Variants in XKR9 observed in about 807,000 individuals in gnomAD.
XKR9 encodes the protein XK related 9, also known as XK-related protein 9.
In XKR9, 32 loss-of-function variants were observed where a neutral mutation model predicts 32.0. The ratio of observed to expected loss-of-function variants is 1.00; its 90% CI spans 0.76 to 1.34. The LOEUF is 1.34. Ranked by LOEUF, XKR9 falls within the 40% of genes most tolerant of loss-of-function variation. The pLI is 0.00. For synonymous variants in XKR9, 168 were observed against 143.4 expected (o/e 1.17, Z -1.22); for missense variants, 546 against 429.7 (o/e 1.27, Z -2.39).
intron 2 of XKR9, among the ~76,000 whole-genome samples, chr8:70,678,464 G>A (rs1586804452): frequency 6.6e-6 from 1 of 152,218 alleles, no homozygotes; most frequent in South Asian, 2.1e-4. Flanking sequence ...ACAGGGGCAG[G>A]AATATTTGTC....
At chr8:70,686,769 C>G (rs1819294833) in intron 3 of XKR9, among the ~76,000 whole-genome samples, 1 of 151,936 alleles carries the variant, frequency 6.6e-6, no homozygotes, top group South Asian at 2.1e-4. Flanking sequence ...TACCTTTACT[C>G]CTTTAGGTGT....
At chr8:70,814,392 T>C in the XKR9 span, among the ~76,000 whole-genome samples, 1 of 151,888 alleles carries the variant, frequency 6.6e-6, no homozygotes, top group African/African-American at 2.4e-5. Context: ...TGTATACATA[T>C]GTAACAAACC....
chr8:70,729,738 T>A (rs1806600071), intron 4 of XKR9, among the ~76,000 whole-genome samples: 1 of 152,138 alleles, frequency 6.6e-6, no homozygotes, highest in African/African-American at 2.4e-5. Flanking sequence ...ATATACTAAG[T>A]CATATCAGAA....
chr8:70,764,687 AC>A (rs1807351602), intron 2 of XKR9, among the ~76,000 whole-genome samples: 1 of 151,914 alleles, frequency 6.6e-6, no homozygotes, highest in African/African-American at 2.4e-5. Flanking sequence ...GGTTTGCTGC[AC>A]CCATCAAGCC....
chr8:70,738,388 C>G (rs891434682), downstream of XKR9, among the ~76,000 whole-genome samples: 1 of 148,514 alleles, frequency 6.7e-6, no homozygotes, highest in Non-Finnish European at 1.5e-5. Flanking sequence ...TGCTAGCGGT[C>G]TATCAATTTT....
chr8:70,771,455 AT>A (rs1268548750), intron 2 of XKR9, among the ~76,000 whole-genome samples: 1 of 152,024 alleles, frequency 6.6e-6, no homozygotes, highest in South Asian at 2.1e-4. Flanking sequence ...TGATTACTAA[AT>A]TTTTTTCTCT....
At chr8:71,050,256 T>TATATATAG in the XKR9 span, among the ~76,000 whole-genome samples, 7 of 130,898 alleles carry the variant, frequency 5.3e-5, no homozygotes, top group Non-Finnish European at 1.5e-5. Flanking sequence ...TATATATATA[T>TATATATAG]ATATAGATAG....
chr8:70,849,256 A>G, the XKR9 span, among the ~76,000 whole-genome samples: 1 of 145,966 alleles, frequency 6.9e-6, no homozygotes, highest in African/African-American at 2.8e-5. Flanking sequence ...AGAAATCTTA[A>G]CAAACAATCT....
the XKR9 span, among the ~76,000 whole-genome samples, chr8:70,992,060 G>A: frequency 1.3e-5 from 2 of 152,156 alleles, no homozygotes; most frequent in Non-Finnish European, 2.9e-5. Flanking sequence ...CCAAATCTGT[G>A]TTAAGTACAA....
At chr8:70,782,000 A>G (rs1291816508) in intron 2 of XKR9, among the ~76,000 whole-genome samples, 1 of 152,214 alleles carries the variant, frequency 6.6e-6, no homozygotes, top group Non-Finnish European at 1.5e-5. Flanking sequence ...TACATACACA[A>G]CTATGATTGT....
chr8:70,704,420 G>C (rs13252808), intron 3 of XKR9, among the ~76,000 whole-genome samples: 81,734 of 151,910 alleles, frequency 0.54, 22,993 homozygotes, highest in Middle Eastern at 0.62. Flanking sequence ...TTGTTTTTAA[G>C]AGACACTTAA....
At chr8:70,793,085 C>T (rs1046695245), downstream of XKR9, among the ~76,000 whole-genome samples, 5 of 152,016 alleles carry the variant, frequency 3.3e-5, no homozygotes, top group African/African-American at 1.2e-4. Context: ...ATCCTTGAAC[C>T]ATTTTGACTT....
chr8:70,875,197 T>C, the XKR9 span, among the ~76,000 whole-genome samples: 1 of 152,216 alleles, frequency 6.6e-6, no homozygotes, highest in Non-Finnish European at 1.5e-5. Flanking sequence ...TTTTCCCCTA[T>C]ATTACATATT....
chr8:70,983,782 A>AAAATAAATAAAT, the XKR9 span, among the ~76,000 whole-genome samples: 77 of 150,196 alleles, frequency 5.1e-4, 1 homozygote, highest in African/African-American at 1.8e-3. Flanking sequence ...ACTTCATCTC[A>AAAATAAATAAAT]AAATAAATAA....
chr8:71,003,878 G>A, the XKR9 span, among the ~76,000 whole-genome samples: 1 of 152,124 alleles, frequency 6.6e-6, no homozygotes, highest in Admixed American at 6.5e-5. Flanking sequence ...GAGATAAAAC[G>A]TGTAAACCAA....
the XKR9 span, among the ~76,000 whole-genome samples, chr8:70,827,492 A>G: frequency 6.6e-6 from 1 of 152,190 alleles, no homozygotes; most frequent in African/African-American, 2.4e-5. Flanking sequence ...TAGAAGAAGA[A>G]GAGAAAGTTT....
the XKR9 span, among the ~76,000 whole-genome samples, chr8:70,938,119 G>T: frequency 1.3e-5 from 2 of 151,860 alleles, no homozygotes; most frequent in Non-Finnish European, 2.9e-5. Flanking sequence ...AATTATTTTG[G>T]GCCAAAAATT....
chr8:70,835,817 A>G, the XKR9 span, among the ~76,000 whole-genome samples: 1 of 152,072 alleles, frequency 6.6e-6, no homozygotes, highest in African/African-American at 2.4e-5. Flanking sequence ...TTGTTTTGAG[A>G]GATTCTAGAG....
At chr8:70,852,907 G>A in the XKR9 span, among the ~76,000 whole-genome samples, 1 of 149,446 alleles carries the variant, frequency 6.7e-6, no homozygotes, top group Non-Finnish European at 1.5e-5. Flanking sequence ...TGTAGATGAC[G>A]GGTTGATGGG....
Sources: gnomAD v4.1 joint callset for allele counts (sites outside exome capture counted in the v4.1 genomes callset) on GRCh38, gnomAD v4.1.1 for gene constraint, MANE v1.5 for transcripts, NCBI Gene and HGNC (gene_info 2026-07-23, HGNC 2026-07-21) for gene names.